The following GRM7 variants were observed in gnomAD, a reference collection of about 807,000 sequenced individuals.
The protein encoded by GRM7 is metabotropic glutamate receptor 7.
GRM7 carries 35 observed loss-of-function variants against 84.5 expected under a neutral mutation model. That is an observed-to-expected ratio of 0.41 (90% confidence interval 0.32 to 0.55). The LOEUF is 0.55. GRM7 is among the 20% of genes least tolerant of loss of function. GRM7 has a pLI of 0.19. For synonymous variants in GRM7, 487 were observed against 455.1 expected (o/e 1.07, Z -0.89); for missense variants, 1,003 against 1,194.6 (o/e 0.84, Z 2.36).
At chr3:7,499,800 A>G (rs1227911706) in intron 7 of GRM7, among the ~76,000 whole-genome samples, 1 of 144,146 alleles carries the variant, frequency 6.9e-6, no homozygotes, top group Non-Finnish European at 1.5e-5. Context: ...TTTGAGATGG[A>G]GTCTTGCTCT....
intron 1 of GRM7, among the ~76,000 whole-genome samples, chr3:7,021,152 TA>T (rs1695761149): frequency 1.3e-5 from 2 of 152,144 alleles, no homozygotes; most frequent in African/African-American, 4.8e-5. Flanking sequence ...TGATGCCCCT[TA>T]AATTGATCAA....
At chr3:7,642,336 A>G (rs1327542146) in intron 8 of GRM7, among the ~76,000 whole-genome samples, 1 of 152,166 alleles carries the variant, frequency 6.6e-6, no homozygotes, top group African/African-American at 2.4e-5. Context: ...CTCAAAAAAA[A>G]AGTGGTAGAG....
chr3:7,426,802 T>C (rs1300263049), intron 5 of GRM7, among the ~76,000 whole-genome samples: 1 of 152,186 alleles, frequency 6.6e-6, no homozygotes, highest in Non-Finnish European at 1.5e-5. Flanking sequence ...GTTTAACAAG[T>C]AGTTGTTGAG....
At chr3:7,157,412 A>C (rs1694487584) in intron 2 of GRM7, among the ~76,000 whole-genome samples, 2 of 152,172 alleles carry the variant, frequency 1.3e-5, no homozygotes, top group African/African-American at 4.8e-5. Flanking sequence ...GGAAAAAAAG[A>C]AAAAAATTAA....
chr3:6,865,408 C>A (rs1389860689), intron 1 of GRM7, among the ~76,000 whole-genome samples: 1 of 152,120 alleles, frequency 6.6e-6, no homozygotes, highest in African/African-American at 2.4e-5. Flanking sequence ...CAAACCCTCT[C>A]CATTATTGAC....
intron 7 of GRM7, among the ~76,000 whole-genome samples, chr3:7,497,167 G>A (rs557318047): frequency 2.6e-5 from 4 of 151,958 alleles, no homozygotes; most frequent in Non-Finnish European, 5.9e-5. Context: ...ATCATGATTA[G>A]GGCCAGGCTT....
intron 1 of GRM7, among the ~76,000 whole-genome samples, chr3:6,953,505 C>T (rs1449472899): frequency 6.6e-6 from 1 of 152,142 alleles, no homozygotes; most frequent in East Asian, 1.9e-4. Flanking sequence ...CTTCATTTTT[C>T]CCCCCATGCC....
At chr3:7,136,385 G>A (rs1693772176) in intron 1 of GRM7, among the ~76,000 whole-genome samples, 1 of 151,588 alleles carries the variant, frequency 6.6e-6, no homozygotes, top group Non-Finnish European at 1.5e-5. Flanking sequence ...GAATCCTGAG[G>A]CATCATAGTT....
intron 9 of GRM7, among the ~76,000 whole-genome samples, chr3:7,706,422 G>C (rs1701390341): frequency 6.6e-6 from 1 of 152,126 alleles, no homozygotes; most frequent in Admixed American, 6.6e-5. Context: ...CACTCCCTAA[G>C]ACCATCCCCA....
chr3:7,374,733 C>T (rs376840978), intron 4 of GRM7, among the ~76,000 whole-genome samples: 2 of 151,438 alleles, frequency 1.3e-5, no homozygotes, highest in South Asian at 2.1e-4. Context: ...TCAGGTGATC[C>T]GCCTGCCTCG....
At chr3:7,102,289 G>A (rs373920438) in intron 1 of GRM7, among the ~76,000 whole-genome samples, 3 of 131,046 alleles carry the variant, frequency 2.3e-5, no homozygotes, top group African/African-American at 7.6e-5. Context: ...TTTTGCCTTC[G>A]TATGTATTTT....
At chr3:7,208,592 C>T (rs1233329502) in intron 2 of GRM7, among the ~76,000 whole-genome samples, 1 of 152,114 alleles carries the variant, frequency 6.6e-6, no homozygotes, top group Non-Finnish European at 1.5e-5. Context: ...CCTATATATA[C>T]CCAGCACCAA....
chr3:7,290,001 G>A lies in GRM7; in HGVS notation c.737-8683G>A, dbSNP rs757643396. The stretch of plus-strand genomic sequence containing the variant: ...GTGCACATGTACCCTAGAACTTAAA[G>A]TATAATAAAAAATAAAATAAAAATA... On this transcript the variant is annotated intron_variant, in intron 2 of 9. Coordinates refer to ENST00000357716, the MANE Select transcript of GRM7 (RefSeq NM_000844.4). Among the ~76,000 whole-genome samples, 91 of 151,496 alleles carry A rather than the reference G, an allele frequency of 6.0e-4. 1 individual carries two copies. The highest frequency in any genetic ancestry group is 6.2e-4 in the South Asian group (3 of 4,810).
chr3:7,375,288 G>A (rs948242858), intron 4 of GRM7, among the ~76,000 whole-genome samples: 16 of 143,972 alleles, frequency 1.1e-4, no homozygotes, highest in African/African-American at 1.6e-4. Context: ...GTATGATCTC[G>A]GCTCACCGCA....
chr3:7,289,273 A>T (rs1038383090), intron 2 of GRM7, among the ~76,000 whole-genome samples: 1 of 152,208 alleles, frequency 6.6e-6, no homozygotes, highest in African/African-American at 2.4e-5. Flanking sequence ...TTAGAGCACA[A>T]ACTTGAGTAA....
rs1350304827 is a variant in GRM7, at chr3:7,188,053, C to T, written c.736+41385C>T. 6.6e-6 allele frequency among the ~76,000 whole-genome samples: 1 copy of T among 152,218 alleles called. No homozygotes were observed. Among genetic ancestry groups the T allele is most frequent in the East Asian group, 1.9e-4 (1 of 5,174 alleles). On this transcript the variant is annotated intron_variant, in intron 2 of 9. Transcript: ENST00000357716. This position sits in a 1 kb window ranked among gnomAD's most constrained non-coding sequence, Gnocchi z 4.2. ...GCAAACCTAGAAGGATTCGAGTTCC[C>T]TGGTGAGTTTAATAGAGGAGGAATG...
At chr3:7,031,822 A>T (rs1179943177) in intron 1 of GRM7, among the ~76,000 whole-genome samples, 1 of 152,164 alleles carries the variant, frequency 6.6e-6, no homozygotes, top group African/African-American at 2.4e-5. Flanking sequence ...CCCACTGTGT[A>T]GCACAAGGCC....
intron 2 of GRM7, among the ~76,000 whole-genome samples, chr3:7,260,339 C>G (rs1363732623): frequency 2.0e-5 from 3 of 151,848 alleles, no homozygotes; most frequent in African/African-American, 7.3e-5. Flanking sequence ...TTTTTTGTGT[C>G]TTTGTCATGA....
chr3:7,052,476 AC>A lies in GRM7; in HGVS notation c.520-93974del, dbSNP rs569244802. Among the ~76,000 whole-genome samples, 750 of 151,668 alleles carry A rather than the reference AC, an allele frequency of 4.9e-3. 7 individuals carry two copies. Among genetic ancestry groups the A allele is most frequent in the African/African-American group, 0.017 (718 of 41,492 alleles). On this transcript the variant is annotated intron_variant, in intron 1 of 9. Transcript: ENST00000357716. ...GTTTTAAAAATCTAATTTACCACCC[AC>A]CAAAATCAAGATAGAGAACTCTTCC...
Sources: allele counts gnomAD v4.1 joint callset (sites outside exome capture counted in the v4.1 genomes callset), GRCh38; gene constraint gnomAD v4.1.1; non-coding constraint Gnocchi (gnomAD v3.1); transcripts MANE v1.5; gene names NCBI Gene and HGNC (gene_info 2026-07-23, HGNC 2026-07-21).